Variants in KIFAP3 observed in about 807,000 individuals in gnomAD.
KIFAP3 encodes kinesin associated protein 3, also known as kinesin-associated protein 3.
Under a neutral mutation model 106.5 loss-of-function variants are expected in KIFAP3, and 68 were observed. The ratio of observed to expected loss-of-function variants is 0.64; its 90% CI spans 0.53 to 0.78. KIFAP3 has a LOEUF of 0.78. KIFAP3 is among the 30% of genes least tolerant of loss of function. The pLI is 0.00. For synonymous variants in KIFAP3, 320 were observed against 311.5 expected (o/e 1.03, Z -0.29); for missense variants, 780 against 941.8 (o/e 0.83, Z 2.25).
intron 10 of KIFAP3, among the ~76,000 whole-genome samples, chr1:169,994,489 T>A (rs777162675): frequency 6.6e-6 from 1 of 152,190 alleles, no homozygotes; most frequent in Non-Finnish European, 1.5e-5. Flanking sequence ...AGATTTTGCA[T>A]CTTGCAAAAC....
At chr1:169,973,105 G>GTGTGTGTATATATA (rs145406203) in intron 16 of KIFAP3, among the ~76,000 whole-genome samples, 6 of 90,314 alleles carry the variant, frequency 6.6e-5, no homozygotes, top group African/African-American at 2.7e-4. Flanking sequence ...AAAATAGTGT[G>GTGTGTGTATATATA]TATATATATA....
At chr1:169,929,019 T>C (rs1438863689) in intron 19 of KIFAP3, among the ~76,000 whole-genome samples, 2 of 152,112 alleles carry the variant, frequency 1.3e-5, no homozygotes, top group Admixed American at 1.3e-4. Context: ...ATAACGAGTA[T>C]AAAACAATAC....
At chr1:170,021,527 C>A (rs1668825342) in intron 9 of KIFAP3, among the ~76,000 whole-genome samples, 1 of 150,378 alleles carries the variant, frequency 6.6e-6, no homozygotes, top group Non-Finnish European at 1.5e-5. Context: ...GCAACCTCCA[C>A]CTCCTGGGTT....
intron 16 of KIFAP3, among the ~76,000 whole-genome samples, chr1:169,975,334 C>T (rs1347104100): frequency 6.6e-6 from 1 of 151,982 alleles, no homozygotes; most frequent in Non-Finnish European, 1.5e-5. Context: ...CTAGCTATCT[C>T]ATATATCAAG....
chr1:170,058,132 T>A (rs961561990), intron 1 of KIFAP3, among the ~76,000 whole-genome samples: 1 of 152,186 alleles, frequency 6.6e-6, no homozygotes, highest in Non-Finnish European at 1.5e-5. Flanking sequence ...TTAGAGATAT[T>A]ATTGTGACCC....
chr1:169,970,051 A>G (rs184404495), intron 17 of KIFAP3, among the ~76,000 whole-genome samples: 157 of 152,126 alleles, frequency 1.0e-3, no homozygotes, highest in African/African-American at 3.4e-3. Flanking sequence ...AATCTAATTG[A>G]GTTTTTAGAA....
intron 19 of KIFAP3, among the ~76,000 whole-genome samples, chr1:169,949,910 A>G (rs1664642213): frequency 6.6e-6 from 1 of 152,124 alleles, no homozygotes; most frequent in African/African-American, 2.4e-5. Flanking sequence ...ATTTTATCAA[A>G]CATCCAGTCT....
chr1:169,954,017 G>T lies in KIFAP3; in HGVS notation c.2267C>A (p.Pro756His). The T allele has an allele frequency of 6.2e-7, 1 of 1,610,476 alleles. No individual in the cohort carries two copies. Among genetic ancestry groups the T allele is most frequent in the South Asian group, 1.1e-5 (1 of 91,002 alleles). The change falls in exon 19 of 20, where the codon CCT (proline) becomes CAT (histidine). Residue 756 changes from proline to histidine, a missense_variant. Pro to His is a moderately conservative substitution (Grantham distance 77). This residue lies in a region of KIFAP3 where 114 missense variants were observed against 122.3 expected (regional missense o/e 0.93). Coordinates refer to ENST00000361580, the MANE Select transcript of KIFAP3 (RefSeq NM_014970.4). ...NGDVVGQHSF[P>H]GSLGMDGFGQ... ...TTCTTGGAAAACTGTTTACCTGCCA[G>T]GAAATGAATGCTGCCCAACAACATC...
intron 10 of KIFAP3, among the ~76,000 whole-genome samples, chr1:170,011,247 A>C (rs568810165): frequency 3.9e-5 from 6 of 151,922 alleles, no homozygotes; most frequent in South Asian, 4.1e-4. Context: ...CTAAAAATAA[A>C]ACTTAAAAAA....
At chr1:170,077,941 C>A (rs1298024092), upstream of KIFAP3, among the ~76,000 whole-genome samples, 1 of 151,604 alleles carries the variant, frequency 6.6e-6, no homozygotes, top group Non-Finnish European at 1.5e-5. Context: ...ATAGTTTATT[C>A]ATTCACCAGT....
chr1:170,004,544 A>T (rs1218970822), intron 10 of KIFAP3, among the ~76,000 whole-genome samples: 1 of 152,124 alleles, frequency 6.6e-6, no homozygotes, highest in East Asian at 1.9e-4. Flanking sequence ...GCTCTCAGAA[A>T]TAATGCCGCA....
At chr1:170,032,495 C>T (rs1669466930) in intron 7 of KIFAP3, among the ~76,000 whole-genome samples, 1 of 151,678 alleles carries the variant, frequency 6.6e-6, no homozygotes, top group South Asian at 2.1e-4. Context: ...AAAGAACTAA[C>T]CCAAACTTAA....
intron 13 of KIFAP3, 105 bp downstream of exon 13, chr1:169,983,165 G>A (rs1040710338): frequency 4.3e-6 from 3 of 692,216 alleles, no homozygotes; most frequent in African/African-American, 1.8e-5. Context: ...AGAGCAATTT[G>A]GATTATAAAT....
chr1:170,005,037 A>C (rs1447149885), intron 10 of KIFAP3, among the ~76,000 whole-genome samples: 1 of 152,070 alleles, frequency 6.6e-6, no homozygotes, highest in Admixed American at 6.5e-5. Context: ...CCCATCAAAA[A>C]GTGGGCAAAG....
At chr1:170,011,747 A>C (rs1486583802) in intron 10 of KIFAP3, among the ~76,000 whole-genome samples, 1 of 152,028 alleles carries the variant, frequency 6.6e-6, no homozygotes, top group Non-Finnish European at 1.5e-5. Context: ...CAGTTTCCTT[A>C]CTATATCTTT....
chr1:169,994,860 G>A (rs1667295576), intron 10 of KIFAP3, among the ~76,000 whole-genome samples: 1 of 152,130 alleles, frequency 6.6e-6, no homozygotes, highest in African/African-American at 2.4e-5. Context: ...AAAGAAGAGA[G>A]AAGCTGAATT....
At chr1:169,976,133 T>C (rs1666211325) in intron 16 of KIFAP3, among the ~76,000 whole-genome samples, 1 of 152,162 alleles carries the variant, frequency 6.6e-6, no homozygotes, top group African/African-American at 2.4e-5. Flanking sequence ...TGTGTACAGG[T>C]ACCTGGTAGG....
Position 170,074,427 on chromosome 1 carries a change from AGTC to A in KIFAP3, c.32+6_32+8del. On this transcript the variant is annotated splice_donor_region_variant and intron_variant, in intron 1 of 19. Transcript: ENST00000361580. ...AGGAGGGTAGGACAGAGCCTTGGGGAGTCGTCACCTTTTGAGGTATCTGGCGTC... is the reference window on the plus strand; with the variant it reads ...AGGAGGGTAGGACAGAGCCTTGGGGAGTCACCTTTTGAGGTATCTGGCGTC... 1 of 1,613,948 alleles carries A rather than the reference AGTC, an allele frequency of 6.2e-7. No homozygotes were observed. Among genetic ancestry groups the A allele is most frequent in the Non-Finnish European group, 8.5e-7 (1 of 1,179,960 alleles).
In KIFAP3 at chr1:170,024,604, A is replaced by G; in HGVS notation, c.842-8T>C. 2 of 1,509,146 alleles carry G rather than the reference A, an allele frequency of 1.3e-6. No individual in the cohort carries two copies. The highest frequency in any genetic ancestry group is 2.6e-5 in the South Asian group (2 of 76,244). 93.5% of individuals were successfully genotyped at this position (1,509,146 alleles called of 1,614,324 possible). On this transcript the variant is annotated splice_polypyrimidine_tract_variant and splice_region_variant and intron_variant, in intron 8 of 19. Coordinates refer to ENST00000361580, the MANE Select transcript of KIFAP3 (RefSeq NM_014970.4). Reference sequence around the variant, plus strand: ...GAAGCAAATAAAGAGCAACTAGAAAAGTAAAATATATGAGAGATAAAGAAT... The same window carrying G: ...GAAGCAAATAAAGAGCAACTAGAAAGGTAAAATATATGAGAGATAAAGAAT...
Sources: allele counts gnomAD v4.1 joint callset (sites outside exome capture counted in the v4.1 genomes callset), GRCh38; gene constraint gnomAD v4.1.1; regional missense constraint gnomAD v4.1.1; transcripts MANE v1.5; gene names NCBI Gene and HGNC (gene_info 2026-07-23, HGNC 2026-07-21).